Variants in EYS observed in about 807,000 individuals in gnomAD.
EYS encodes the protein protein eyes shut homolog.
In EYS, 250 loss-of-function variants were observed where a neutral mutation model predicts 282.1. The ratio of observed to expected loss-of-function variants is 0.89; its 90% CI spans 0.80 to 0.98. EYS has a LOEUF of 0.98. EYS is among the 50% of genes least tolerant of loss of function. The probability of loss-of-function intolerance (pLI) is 0.00; values close to 1 mark genes in which losing one functional copy is unlikely to be tolerated. For synonymous variants in EYS, 1,355 were observed against 1,282.9 expected, an observed-to-expected ratio of 1.06 and a Z score of -1.20; for missense variants, 4,016 against 3,709.0, an observed-to-expected ratio of 1.08 and a Z score of -2.15.
chr6:64,346,193 C>T (rs999897335), intron 29 of EYS, among the ~76,000 whole-genome samples: 5 of 152,058 alleles, frequency 3.3e-5, no homozygotes, highest in African/African-American at 1.2e-4. Flanking sequence ...CCAGCCATCC[C>T]ATTACTGGGT....
intron 28 of EYS, among the ~76,000 whole-genome samples, chr6:64,423,698 C>T (rs896325417): frequency 6.6e-6 from 1 of 152,112 alleles, no homozygotes; most frequent in Non-Finnish European, 1.5e-5. Flanking sequence ...ATCCCAGCTA[C>T]TCAGGAGGCA....
At chr6:65,578,637 C>A (rs1471528943) in intron 2 of EYS, among the ~76,000 whole-genome samples, 1 of 151,738 alleles carries the variant, frequency 6.6e-6, no homozygotes, top group Non-Finnish European at 1.5e-5. Flanking sequence ...TGAGGTAATG[C>A]ATAGGTAAAA....
chr6:65,653,439 T>C lies in EYS; in HGVS notation c.-447-13547A>G, dbSNP rs116290305. ...CAAGTTTGCCTAGCACAAGCTTTGA[T>C]ATACACTGATTTCAGAGCCCCATTA... is the stretch of plus-strand genomic sequence containing the variant. On this transcript the variant is annotated intron_variant, in intron 1 of 42. Transcript: ENST00000503581. 5.7e-3 allele frequency among the ~76,000 whole-genome samples: 871 copies of C among 152,098 alleles called. 8 individuals carry two copies. Among genetic ancestry groups the C allele is most frequent in the Middle Eastern group, 0.014 (4 of 294 alleles).
chr6:64,769,504 A>G (rs1341376855), intron 22 of EYS, among the ~76,000 whole-genome samples: 1 of 152,074 alleles, frequency 6.6e-6, no homozygotes. Flanking sequence ...TTGCTAGCTC[A>G]CGAGCAGTAC....
intron 31 of EYS, among the ~76,000 whole-genome samples, chr6:64,107,154 C>T (rs1232335280): frequency 6.7e-6 from 1 of 150,014 alleles, no homozygotes; most frequent in Non-Finnish European, 1.5e-5. Context: ...TTTCAACATT[C>T]CTGTTATATC....
At chr6:64,167,031 C>A (rs999989801) in intron 31 of EYS, among the ~76,000 whole-genome samples, 1 of 152,184 alleles carries the variant, frequency 6.6e-6, no homozygotes, top group Admixed American at 6.5e-5. Flanking sequence ...TAATCAGTTT[C>A]TAAAATTATA....
At chr6:63,980,566 T>C (rs1767040110) in intron 35 of EYS, among the ~76,000 whole-genome samples, 1 of 151,902 alleles carries the variant, frequency 6.6e-6, no homozygotes, top group Non-Finnish European at 1.5e-5. Context: ...TAAAGTAATA[T>C]AACTTGTAAG....
rs547482228 is a variant in EYS, at chr6:64,946,036, T to C, written c.2260-122A>G. ...TTATAATTTTTTTAGTTTTATAGAA[T>C]GCCAATACTCCCCCCAAATGACTTT... On this transcript the variant is annotated intron_variant, in intron 14 of 42. Coordinates refer to ENST00000503581, the MANE Select transcript of EYS (RefSeq NM_001142800.2). 5 of 701,136 alleles carry C rather than the reference T, an allele frequency of 7.1e-6. No homozygotes were observed. The African/African-American group carries it at 9.0e-5, about 13-fold the overall frequency. 43.4% of individuals were successfully genotyped at this position (701,136 alleles called of 1,614,324 possible). A position where few individuals can be genotyped will look rare whatever the true frequency, so the allele number is the denominator to read the frequency against.
At chr6:64,059,947 T>C (rs1354735046) in intron 33 of EYS, among the ~76,000 whole-genome samples, 2 of 152,168 alleles carry the variant, frequency 1.3e-5, no homozygotes, top group African/African-American at 4.8e-5. Context: ...AAATACCAGA[T>C]GGAAGAGCTG....
chr6:63,720,281 A>G lies in EYS; in HGVS notation c.*315T>C, dbSNP rs556168947. The G allele has an allele frequency of 2.2e-4, 81 of 360,948 alleles. No individual in the cohort carries two copies. The highest frequency in any genetic ancestry group is 1.5e-3 in the African/African-American group (73 of 47,954). 22.4% of individuals were successfully genotyped at this position (360,948 alleles called of 1,614,324 possible). A position where few individuals can be genotyped will look rare whatever the true frequency, so the allele number is the denominator to read the frequency against. On this transcript the variant is annotated 3_prime_UTR_variant, in exon 43 of 43. Coordinates refer to ENST00000503581, the MANE Select transcript of EYS (RefSeq NM_001142800.2). ...CATTGATTTTTAAAATTGTGTTTAC[A>G]CGTTGATTTTAAAATGTAAGCATTA...
chr6:63,905,338 T>C (rs1278949989), intron 35 of EYS, among the ~76,000 whole-genome samples: 1 of 148,598 alleles, frequency 6.7e-6, no homozygotes. Context: ...TCTTTTTTTT[T>C]TTTTTTTTTG....
chr6:65,164,899 CT>C (rs1764936126), intron 12 of EYS, among the ~76,000 whole-genome samples: 1 of 151,196 alleles, frequency 6.6e-6, no homozygotes, highest in African/African-American at 2.4e-5. Flanking sequence ...CTGTGTTCCC[CT>C]TCTTATAAGG....
At chr6:64,818,470 G>T (rs1283476849) in intron 21 of EYS, among the ~76,000 whole-genome samples, 1 of 152,104 alleles carries the variant, frequency 6.6e-6, no homozygotes, top group Non-Finnish European at 1.5e-5. Context: ...CTATCACAAG[G>T]TGAAGTCCTA....
intron 5 of EYS, among the ~76,000 whole-genome samples, chr6:65,462,030 TA>T (rs1285941826): frequency 6.6e-6 from 1 of 152,038 alleles, no homozygotes; most frequent in Non-Finnish European, 1.5e-5. Context: ...TCATAATCAT[TA>T]AAAATGGAAA....
rs531184037 is a variant in EYS at position 64,592,055 on chromosome 6, G to T, written c.3878-66C>A. Reference sequence around the variant, plus strand: ...TCAGAAACGAACCACTTTGGCACTGGGATAAATCTCAGGCAAATTGCACTG... The same window carrying T: ...TCAGAAACGAACCACTTTGGCACTGTGATAAATCTCAGGCAAATTGCACTG... On this transcript the variant is annotated intron_variant, in intron 25 of 42. Coordinates refer to ENST00000503581, the MANE Select transcript of EYS (RefSeq NM_001142800.2). The T allele has an allele frequency of 6.3e-5, 77 of 1,215,778 alleles. No individual in the cohort carries two copies. The South Asian group carries it at 1.2e-3, about 20-fold the overall frequency. 75.3% of individuals were successfully genotyped at this position (1,215,778 alleles called of 1,614,324 possible).
intron 19 of EYS, among the ~76,000 whole-genome samples, chr6:64,881,938 T>C (rs562641603): frequency 6.6e-6 from 1 of 151,986 alleles, no homozygotes; most frequent in South Asian, 2.1e-4. Context: ...ACTATTAATG[T>C]TTGTAATTCA....
At chr6:64,420,459 T>C (rs1193785071) in intron 28 of EYS, among the ~76,000 whole-genome samples, 1 of 151,900 alleles carries the variant, frequency 6.6e-6, no homozygotes, top group Non-Finnish European at 1.5e-5. Flanking sequence ...GTAGCAGGCT[T>C]GAATTTCTCC....
chr6:64,438,745 T>C (rs1005104866), intron 27 of EYS, among the ~76,000 whole-genome samples: 1 of 151,724 alleles, frequency 6.6e-6, no homozygotes, highest in Non-Finnish European at 1.5e-5. Flanking sequence ...AGTATGAATG[T>C]AAATTTTTCT....
intron 26 of EYS, among the ~76,000 whole-genome samples, chr6:64,499,233 A>T (rs1776970944): frequency 2.0e-5 from 3 of 152,206 alleles, no homozygotes; most frequent in Admixed American, 1.3e-4. Flanking sequence ...TCTGGTGATT[A>T]TATGTATAGC....
Sources: gnomAD v4.1 joint callset for allele counts (sites outside exome capture counted in the v4.1 genomes callset) on GRCh38, gnomAD v4.1.1 for gene constraint, MANE v1.5 for transcripts, NCBI Gene and HGNC (gene_info 2026-07-23, HGNC 2026-07-21) for gene names.